The following POU6F2 variants were observed in gnomAD, a reference collection of about 807,000 sequenced individuals.
POU6F2 encodes POU class 6 homeobox 2, also known as POU domain, class 6, transcription factor 2.
A neutral mutation model predicts 71.3 loss-of-function variants in POU6F2; 31 were observed. The observed-to-expected ratio is 0.43, with a 90% CI of 0.33 to 0.59. The LOEUF (loss-of-function observed/expected upper bound fraction) is 0.59. POU6F2 is among the 20% of genes least tolerant of loss of function. POU6F2 has a pLI of 0.04. For missense variants in POU6F2, 783 were observed against 856.8 expected (o/e 0.91, Z 1.07); for synonymous variants, 347 against 355.7 (o/e 0.98, Z 0.27).
At chr7:39,309,665 G>A (rs1785122195) in intron 4 of POU6F2, among the ~76,000 whole-genome samples, 1 of 152,212 alleles carries the variant, frequency 6.6e-6, no homozygotes, top group Admixed American at 6.5e-5. Context: ...AAAACATGAA[G>A]AAAGCCTACG....
intron 1 of POU6F2, among the ~76,000 whole-genome samples, chr7:38,990,832 T>C (rs1788584297): frequency 6.6e-6 from 1 of 152,090 alleles, no homozygotes; most frequent in East Asian, 1.9e-4. Context: ...AGCCCAGCAA[T>C]GCGGGAAATT....
intron 4 of POU6F2, among the ~76,000 whole-genome samples, chr7:39,223,088 G>C (rs1584610423): frequency 6.6e-6 from 1 of 152,122 alleles, no homozygotes; most frequent in East Asian, 1.9e-4. Flanking sequence ...TGTTTTGGAG[G>C]CTTCTTGTTT....
At chr7:39,338,004 C>A (rs1023942079) in intron 4 of POU6F2, among the ~76,000 whole-genome samples, 7 of 152,210 alleles carry the variant, frequency 4.6e-5, no homozygotes, top group Non-Finnish European at 2.9e-5. Context: ...TTTCTAAATG[C>A]TGATTTAGAT....
chr7:39,131,843 T>A (rs549719207), intron 2 of POU6F2, among the ~76,000 whole-genome samples: 118 of 151,172 alleles, frequency 7.8e-4, no homozygotes, highest in Non-Finnish European at 1.2e-4. Context: ...TGTTTTATAT[T>A]TTTTTTTTAT....
At chr7:39,084,989 C>G (rs1479222573) in intron 1 of POU6F2, 1 of 152,128 alleles carries the variant, frequency 6.6e-6, no homozygotes, top group African/African-American at 2.4e-5. Context: ...CTAAAATGCC[C>G]TCCTTAATGA....
chr7:39,340,022 T>G lies in POU6F2; in HGVS notation c.972+7T>G. Reference sequence around the variant, plus strand: ...GCCACCCAATCCTCTACAGGTATGCTCCCCGTGCTTCCCGTCTGCCCCTAG... The same window carrying G: ...GCCACCCAATCCTCTACAGGTATGCGCCCCGTGCTTCCCGTCTGCCCCTAG... On this transcript the variant is annotated splice_region_variant and intron_variant, in intron 5 of 9. Coordinates refer to ENST00000518318, the MANE Select transcript of POU6F2 (RefSeq NM_001370959.1). 1 of 1,590,756 alleles carries G rather than the reference T, an allele frequency of 6.3e-7. No homozygotes were observed. The highest frequency in any genetic ancestry group is 8.6e-7 in the Non-Finnish European group (1 of 1,163,966).
chr7:39,309,961 A>G (rs1785128982), intron 4 of POU6F2, among the ~76,000 whole-genome samples: 1 of 152,192 alleles, frequency 6.6e-6, no homozygotes, highest in African/African-American at 2.4e-5. Context: ...CCAGAGCTCC[A>G]TCGACTTCAA....
chr7:39,026,901 A>G (rs1180617118), intron 1 of POU6F2, among the ~76,000 whole-genome samples: 1 of 152,046 alleles, frequency 6.6e-6, no homozygotes, highest in Non-Finnish European at 1.5e-5. Context: ...GAAGATGGAT[A>G]TTTTCATCTC....
rs1167176256 is a variant in POU6F2, at chr7:39,240,497, T to G, written c.598+32877T>G. Among the ~76,000 whole-genome samples the G allele has an allele frequency of 2.0e-5, 3 of 152,152 alleles. No homozygotes were observed. In the East Asian group the frequency reaches 5.8e-4, roughly 29 times the overall value. ...ATATGCCTCTCAATTCTGTGAATTC[T>G]AACTGCCCCAATTTTGTAAGGCCAG... On this transcript the variant is annotated intron_variant, in intron 4 of 9. Transcript: ENST00000518318.
chr7:39,410,773 A>T (rs1284928697), intron 6 of POU6F2, among the ~76,000 whole-genome samples: 1 of 152,128 alleles, frequency 6.6e-6, no homozygotes, highest in African/African-American at 2.4e-5. Flanking sequence ...CATCATCATC[A>T]TTGTTAAGAG....
At chr7:39,174,847 G>GAC (rs1329193488) in intron 2 of POU6F2, among the ~76,000 whole-genome samples, 1 of 152,058 alleles carries the variant, frequency 6.6e-6, no homozygotes, top group African/African-American at 2.4e-5. Context: ...TCTCACTTGT[G>GAC]ACATCCCTGC....
chr7:39,068,506 T>TATATATATATATATATATATATAA (rs1249945435), intron 1 of POU6F2, among the ~76,000 whole-genome samples: 4 of 151,592 alleles, frequency 2.6e-5, no homozygotes, highest in African/African-American at 9.7e-5. Flanking sequence ...TATATATATA[T>TATATATATATATATATATATATAA]AATTTTCATA....
chr7:39,107,559 G>C (rs1033449699), intron 2 of POU6F2, among the ~76,000 whole-genome samples: 1 of 152,128 alleles, frequency 6.6e-6, no homozygotes, highest in Admixed American at 6.5e-5. Context: ...TTGTAGTCAG[G>C]ATTCTGGCAG....
chr7:39,415,062 T>C (rs1370496791), intron 6 of POU6F2, among the ~76,000 whole-genome samples: 1 of 152,190 alleles, frequency 6.6e-6, no homozygotes, highest in Non-Finnish European at 1.5e-5. Context: ...TCACTCTTGT[T>C]GCCTAGGCTG....
chr7:39,194,965 C>T (rs1448312882), intron 2 of POU6F2, among the ~76,000 whole-genome samples: 1 of 152,148 alleles, frequency 6.6e-6, no homozygotes, highest in African/African-American at 2.4e-5. Context: ...TCTGAAGGAA[C>T]AAACTCCGCA....
intron 6 of POU6F2, among the ~76,000 whole-genome samples, chr7:39,419,015 GTA>G (rs200821902): frequency 0.023 from 2,792 of 121,752 alleles, 73 homozygotes; most frequent in East Asian, 0.075. Flanking sequence ...GTGTATATAT[GTA>G]TATATATGTG....
At chr7:39,413,429 A>T (rs1254858959) in intron 6 of POU6F2, among the ~76,000 whole-genome samples, 1 of 152,206 alleles carries the variant, frequency 6.6e-6, no homozygotes, top group Non-Finnish European at 1.5e-5. Context: ...AATAAGTAAG[A>T]ATCAGACATG....
At chr7:39,355,697 G>A (rs562885166) in intron 5 of POU6F2, among the ~76,000 whole-genome samples, 9 of 152,170 alleles carry the variant, frequency 5.9e-5, no homozygotes, top group East Asian at 5.8e-4. Flanking sequence ...CCACACACAC[G>A]TATCTTCCAG....
At chr7:39,146,675 G>C (rs1792632202) in intron 2 of POU6F2, among the ~76,000 whole-genome samples, 2 of 152,184 alleles carry the variant, frequency 1.3e-5, no homozygotes, top group African/African-American at 4.8e-5. Context: ...GGAGGGCTGG[G>C]CTTCAAGTTG....
Sources: allele counts gnomAD v4.1 joint callset (sites outside exome capture counted in the v4.1 genomes callset), GRCh38; gene constraint gnomAD v4.1.1; transcripts MANE v1.5; gene names NCBI Gene and HGNC (gene_info 2026-07-23, HGNC 2026-07-21).